The following IL7 variants were observed in gnomAD, a reference collection of about 807,000 sequenced individuals.
IL7 encodes the protein interleukin-7.
A neutral mutation model predicts 21.6 loss-of-function variants in IL7; 3 were observed. That is an observed-to-expected ratio of 0.14 (90% CI 0.06 to 0.36). IL7 has a LOEUF of 0.36. IL7 is among the 10% of genes least tolerant of loss of function. IL7 has a pLI of 1.00. For missense variants in IL7, 175 were observed against 200.2 expected, an observed-to-expected ratio of 0.87 and a Z score of 0.76; for synonymous variants, 62 against 68.1, an observed-to-expected ratio of 0.91 and a Z score of 0.44.
At chr8:78,729,950 G>T (rs567577211), downstream of IL7, among the ~76,000 whole-genome samples, 1 of 152,046 alleles carries the variant, frequency 6.6e-6, no homozygotes, top group African/African-American at 2.4e-5. Context: ...AGCAGTGGAG[G>T]CATACATGAA....
chr8:78,693,947 A>C (rs1234948906), intron 3 of IL7, among the ~76,000 whole-genome samples: 1 of 152,184 alleles, frequency 6.6e-6, no homozygotes, highest in Non-Finnish European at 1.5e-5. Context: ...AGCTTTCTAC[A>C]TATGGCTAGC....
At chr8:78,679,009 T>A (rs992766074) in intron 4 of IL7, 3 of 162,140 alleles carry the variant, frequency 1.9e-5, no homozygotes, top group African/African-American at 7.2e-5. Flanking sequence ...ACTTTTGATA[T>A]AACTTAAGTT....
downstream of IL7, among the ~76,000 whole-genome samples, chr8:78,727,777 A>T (rs999678361): frequency 1.3e-5 from 2 of 151,992 alleles, no homozygotes; most frequent in Non-Finnish European, 2.9e-5. Context: ...TATGCAGAAG[A>T]TAAATTAAGA....
chr8:78,712,665 G>A (rs1586031667), intron 3 of IL7, among the ~76,000 whole-genome samples: 2 of 152,240 alleles, frequency 1.3e-5, no homozygotes, highest in South Asian at 4.1e-4. Context: ...GTATGACACA[G>A]CCAGTTCTGA....
intron 2 of IL7, among the ~76,000 whole-genome samples, chr8:78,777,106 T>C (rs1280986523): frequency 1.3e-5 from 2 of 152,114 alleles, no homozygotes; most frequent in Non-Finnish European, 2.9e-5. Flanking sequence ...CGACAATGTC[T>C]TCATCGGTTG....
At chr8:78,744,443 G>A (rs1359710187) in intron 2 of IL7, among the ~76,000 whole-genome samples, 1 of 152,142 alleles carries the variant, frequency 6.6e-6, no homozygotes, top group Non-Finnish European at 1.5e-5. Context: ...TCTGCAGGCT[G>A]AAAAAGGTGA....
At chr8:78,730,476 A>G (rs1017785622), downstream of IL7, among the ~76,000 whole-genome samples, 37 of 152,112 alleles carry the variant, frequency 2.4e-4, no homozygotes, top group African/African-American at 8.7e-4. Context: ...AAATTTAGAA[A>G]TCAAAGAAAA....
intron 2 of IL7, among the ~76,000 whole-genome samples, chr8:78,775,307 C>T (rs931531590): frequency 2.6e-5 from 4 of 152,074 alleles, no homozygotes; most frequent in Admixed American, 1.3e-4. Flanking sequence ...GGCATATTCA[C>T]CTGTACTTGG....
chr8:78,755,013 G>T (rs1812302727), intron 2 of IL7, among the ~76,000 whole-genome samples: 1 of 152,048 alleles, frequency 6.6e-6, no homozygotes, highest in African/African-American at 2.4e-5. Context: ...CTTATATATG[G>T]TGAGAGATAG....
intron 3 of IL7, among the ~76,000 whole-genome samples, chr8:78,690,889 T>G (rs1248572825): frequency 3.3e-5 from 5 of 152,182 alleles, no homozygotes; most frequent in African/African-American, 1.2e-4. Flanking sequence ...TTTAGTTGTT[T>G]TTTGCTTGTT....
chr8:78,777,289 G>C (rs1398872762), intron 2 of IL7, among the ~76,000 whole-genome samples: 2 of 152,082 alleles, frequency 1.3e-5, no homozygotes, highest in African/African-American at 4.8e-5. Flanking sequence ...TGTCCTCAAA[G>C]TTGAATGCAC....
chr8:78,750,549 C>A (rs1164573449), intron 2 of IL7, among the ~76,000 whole-genome samples: 1 of 152,270 alleles, frequency 6.6e-6, no homozygotes, highest in Non-Finnish European at 1.5e-5. Flanking sequence ...TGAGGCCAGG[C>A]GTGGTGGCTC....
chr8:78,761,692 A>G, intron 2 of IL7: 1 of 1,611,904 alleles, frequency 6.2e-7, no homozygotes, highest in East Asian at 2.2e-5. Context: ...CTTCTCGAAT[A>G]CAGCTCTCAC....
downstream of IL7, chr8:78,717,665 T>C: frequency 1.9e-5 from 10 of 526,968 alleles, no homozygotes; most frequent in South Asian, 3.7e-5. Context: ...TTTATATGTG[T>C]ACATATACTG....
intron 3 of IL7, among the ~76,000 whole-genome samples, chr8:78,696,335 G>A (rs1586010118): frequency 1.3e-5 from 2 of 152,002 alleles, no homozygotes; most frequent in Admixed American, 6.6e-5. Flanking sequence ...TGCCCAGCCC[G>A]TTAAAACCAA....
At chr8:78,747,163 G>C (rs986207255) in intron 2 of IL7, 3 of 433,300 alleles carry the variant, frequency 6.9e-6, no homozygotes, top group Non-Finnish European at 1.4e-5. Context: ...AATAAAGTTG[G>C]TCCCTATAGA....
intron 4 of IL7, chr8:78,678,650 A>G: frequency 1.2e-6 from 2 of 1,611,594 alleles, no homozygotes; most frequent in Non-Finnish European, 1.7e-6. Context: ...AGGAACTGAT[A>G]TTCCAACAGT....
chr8:78,712,179 A>G (rs373524210), intron 3 of IL7: 7 of 902,956 alleles, frequency 7.8e-6, no homozygotes, highest in East Asian at 6.2e-5. Flanking sequence ...ATGGAATAAC[A>G]TAACTTTTAC....
At chr8:78,707,631 T>A (rs1490776216) in intron 3 of IL7, among the ~76,000 whole-genome samples, 1 of 152,232 alleles carries the variant, frequency 6.6e-6, no homozygotes, top group Non-Finnish European at 1.5e-5. Flanking sequence ...TTTTTGGCTA[T>A]CCCACATCAT....
Sources: allele counts gnomAD v4.1 joint callset (sites outside exome capture counted in the v4.1 genomes callset), GRCh38; gene constraint gnomAD v4.1.1; transcripts MANE v1.5; gene names NCBI Gene and HGNC (gene_info 2026-07-23, HGNC 2026-07-21).